EXOC6B: variants seen among roughly 807,000 people sequenced by gnomAD.
EXOC6B encodes the protein SEC15 homolog B.
A neutral mutation model predicts 113.5 loss-of-function variants in EXOC6B; 54 were observed. The observed-to-expected ratio is 0.48, with a 90% CI of 0.38 to 0.60. The LOEUF is 0.60. EXOC6B is among the 20% of genes least tolerant of loss of function. The probability of loss-of-function intolerance (pLI) is 0.00; values close to 1 mark genes in which losing one functional copy is unlikely to be tolerated. For synonymous variants in EXOC6B, 357 were observed against 339.0 expected, an observed-to-expected ratio of 1.05 and a Z score of -0.58; for missense variants, 797 against 977.5, an observed-to-expected ratio of 0.82 and a Z score of 2.46.
chr2:72,726,816 A>G (rs1014831352), intron 5 of EXOC6B, among the ~76,000 whole-genome samples: 1 of 152,320 alleles, frequency 6.6e-6, no homozygotes, highest in African/African-American at 2.4e-5. Flanking sequence ...AATAAAATAC[A>G]GTCAGCCCTT....
In EXOC6B at chr2:72,753,748, A is replaced by G. The variant is rs544426148; in HGVS notation, c.114-12279T>C. On this transcript the variant is annotated intron_variant, in intron 1 of 21. Transcript: ENST00000272427. ...TCTGAATACTCCCCACATTCACTCT[A>G]CAACTCTACTTGAAGTTCCTTGAGT... 2.6e-5 allele frequency among the ~76,000 whole-genome samples: 4 copies of G among 152,052 alleles called. No individual in the cohort carries two copies. In the South Asian group the frequency reaches 8.3e-4, roughly 32 times the overall value.
At chr2:72,665,028 A>G (rs1675289657) in intron 6 of EXOC6B, among the ~76,000 whole-genome samples, 1 of 152,164 alleles carries the variant, frequency 6.6e-6, no homozygotes, top group Non-Finnish European at 1.5e-5. Context: ...GAGAACACTG[A>G]AGAGGGGTGG....
intron 20 of EXOC6B, among the ~76,000 whole-genome samples, chr2:72,298,543 T>A (rs1027044467): frequency 1.3e-5 from 2 of 152,188 alleles, no homozygotes; most frequent in Non-Finnish European, 2.9e-5. Flanking sequence ...GCCAGCTGGT[T>A]ATTTTGCCTG....
chr2:72,695,268 TA>T (rs1232826190), intron 6 of EXOC6B, among the ~76,000 whole-genome samples: 1 of 152,142 alleles, frequency 6.6e-6, no homozygotes, highest in Admixed American at 6.5e-5. Context: ...GTAAACTTAG[TA>T]AAAGCACAAA....
intron 6 of EXOC6B, among the ~76,000 whole-genome samples, chr2:72,607,475 C>T (rs1670821171): frequency 6.6e-6 from 1 of 152,078 alleles, no homozygotes; most frequent in South Asian, 2.1e-4. Context: ...GACTAAAATA[C>T]CTACTCAATT....
chr2:72,705,662 A>G (rs1678805994), intron 6 of EXOC6B, among the ~76,000 whole-genome samples: 1 of 151,970 alleles, frequency 6.6e-6, no homozygotes, highest in Non-Finnish European at 1.5e-5. Context: ...ATCCCCTCAC[A>G]CAACTGTCCT....
chr2:72,597,202 T>G lies in EXOC6B; in HGVS notation c.670-21534A>C, dbSNP rs147517338. Among the ~76,000 whole-genome samples the G allele has an allele frequency of 2.4e-3, 357 of 151,642 alleles. 1 individual carries two copies. Among genetic ancestry groups the G allele is most frequent in the African/African-American group, 8.3e-3 (343 of 41,504 alleles). ...TTATATTATGTAAATCTTACCTCAATTTAAAATTTTTAATTCTTAAAAATA... is the reference window on the plus strand; with the variant it reads ...TTATATTATGTAAATCTTACCTCAAGTTAAAATTTTTAATTCTTAAAAATA... On this transcript the variant is annotated intron_variant, in intron 6 of 21. Transcript: ENST00000272427.
intron 8 of EXOC6B, among the ~76,000 whole-genome samples, chr2:72,546,457 G>C (rs549908305): frequency 1.3e-5 from 2 of 152,262 alleles, no homozygotes; most frequent in South Asian, 2.1e-4. Flanking sequence ...AAAAGAGAGA[G>C]AGAGAGAGAT....
chr2:72,719,824 A>T (rs182830400), intron 5 of EXOC6B, among the ~76,000 whole-genome samples: 2 of 152,346 alleles, frequency 1.3e-5, no homozygotes, highest in African/African-American at 4.8e-5. Context: ...GGTAACTTGA[A>T]TTCACAGAAA....
At chr2:72,275,499 G>C (rs1363408709) in intron 20 of EXOC6B, among the ~76,000 whole-genome samples, 1 of 152,132 alleles carries the variant, frequency 6.6e-6, no homozygotes, top group Non-Finnish European at 1.5e-5. Flanking sequence ...AATTCACAAA[G>C]TGAGCATGTC....
At chr2:72,460,326 G>A (rs1222026522) in intron 18 of EXOC6B, among the ~76,000 whole-genome samples, 2 of 151,912 alleles carry the variant, frequency 1.3e-5, no homozygotes, top group Non-Finnish European at 2.9e-5. Flanking sequence ...AACACCAAAA[G>A]CAATGGCAAC....
intron 5 of EXOC6B, among the ~76,000 whole-genome samples, chr2:72,722,995 C>T (rs1680100228): frequency 6.6e-6 from 1 of 152,164 alleles, no homozygotes; most frequent in Non-Finnish European, 1.5e-5. Flanking sequence ...CCCATTTTCC[C>T]TTCCCAGTAT....
At chr2:72,421,081 GTTGT>G (rs1163355750) in intron 18 of EXOC6B, among the ~76,000 whole-genome samples, 5 of 152,162 alleles carry the variant, frequency 3.3e-5, no homozygotes, top group Admixed American at 6.5e-5. Context: ...TTTTGATGCA[GTTGT>G]TTATTTTTTT....
chr2:72,420,190 T>C (rs1280665608), intron 18 of EXOC6B, among the ~76,000 whole-genome samples: 5 of 152,202 alleles, frequency 3.3e-5, no homozygotes, highest in Non-Finnish European at 5.9e-5. Flanking sequence ...TTTCCATACA[T>C]CATTTCATTG....
At chr2:72,459,454 A>C (rs1181449781) in intron 18 of EXOC6B, among the ~76,000 whole-genome samples, 2 of 151,976 alleles carry the variant, frequency 1.3e-5, no homozygotes, top group South Asian at 2.1e-4. Flanking sequence ...ATCTAGAAAA[A>C]CCCATTGTCT....
At chr2:72,381,304 T>C (rs1320221186) in intron 18 of EXOC6B, among the ~76,000 whole-genome samples, 1 of 152,220 alleles carries the variant, frequency 6.6e-6, no homozygotes, top group African/African-American at 2.4e-5. Flanking sequence ...AGTTGTTCCA[T>C]AGTATTCCTT....
At chr2:72,482,360 TTC>T in intron 16 of EXOC6B, among the ~76,000 whole-genome samples, 1 of 152,324 alleles carries the variant, frequency 6.6e-6, no homozygotes, top group East Asian at 1.9e-4. Context: ...TTTTTTGTCT[TTC>T]TTTTCTACAT....
intron 18 of EXOC6B, among the ~76,000 whole-genome samples, chr2:72,405,618 G>A (rs971754973): frequency 6.6e-5 from 10 of 152,262 alleles, no homozygotes; most frequent in African/African-American, 2.4e-4. Flanking sequence ...CATAAGTGAA[G>A]GAGAAATAAA....
chr2:72,372,705 T>C (rs1572987419), intron 19 of EXOC6B, among the ~76,000 whole-genome samples: 1 of 151,430 alleles, frequency 6.6e-6, no homozygotes, highest in East Asian at 1.9e-4. Context: ...GATAGGCGGG[T>C]ATGGTGGCAC....
Sources: allele counts gnomAD v4.1 joint callset (sites outside exome capture counted in the v4.1 genomes callset), GRCh38; gene constraint gnomAD v4.1.1; transcripts MANE v1.5; gene names NCBI Gene and HGNC (gene_info 2026-07-23, HGNC 2026-07-21).